Variants in ADARB2 observed in about 807,000 individuals in gnomAD.
ADARB2 encodes the protein adenosine deaminase RNA specific B2 (inactive).
Under a neutral mutation model 62.2 loss-of-function variants are expected in ADARB2, and 25 were observed. The ratio of observed to expected loss-of-function variants is 0.40; its 90% CI spans 0.29 to 0.56. ADARB2 has a LOEUF of 0.56. Ranked by LOEUF, ADARB2 falls within the 20% of genes least tolerant of loss-of-function variation. ADARB2 has a pLI of 0.43. For missense variants in ADARB2, 1,071 were observed against 1,077.4 expected, an observed-to-expected ratio of 0.99 and a Z score of 0.08; for synonymous variants, 572 against 500.8, an observed-to-expected ratio of 1.14 and a Z score of -1.90.
At chr10:1,683,159 C>T (rs1158379338) in intron 1 of ADARB2, among the ~76,000 whole-genome samples, 2 of 152,146 alleles carry the variant, frequency 1.3e-5, no homozygotes, top group Non-Finnish European at 2.9e-5. Flanking sequence ...TGTGAGTTCA[C>T]ATAGGGAGAA....
intron 1 of ADARB2, among the ~76,000 whole-genome samples, chr10:1,692,547 C>T (rs924941938): frequency 3.9e-5 from 6 of 152,110 alleles, no homozygotes; most frequent in Admixed American, 1.3e-4. Context: ...TGGCAGACTA[C>T]GGAGCAGGAG....
chr10:1,666,399 C>A (rs1432074086), intron 1 of ADARB2, among the ~76,000 whole-genome samples: 1 of 152,230 alleles, frequency 6.6e-6, no homozygotes, highest in Non-Finnish European at 1.5e-5. Flanking sequence ...CATGTCCCAG[C>A]CTCTCTCGCC....
At chr10:1,375,149 T>TCCAGGGC (rs1832411188) in intron 2 of ADARB2, among the ~76,000 whole-genome samples, 2 of 152,078 alleles carry the variant, frequency 1.3e-5, no homozygotes, top group Non-Finnish European at 2.9e-5. Flanking sequence ...TCAGCACAAC[T>TCCAGGGC]CCAGGGCCCA....
At chr10:1,701,578 CA>C (rs1834819689) in intron 1 of ADARB2, among the ~76,000 whole-genome samples, 1 of 1,812 alleles carries the variant, frequency 5.5e-4, no homozygotes, top group East Asian at 0.062. Flanking sequence ...CCCACTCCAC[CA>C]GGAGACCAGG....
chr10:1,205,744 G>A (rs1177072841), intron 7 of ADARB2, among the ~76,000 whole-genome samples: 3 of 152,282 alleles, frequency 2.0e-5, no homozygotes, highest in Admixed American at 6.5e-5. Context: ...CCAGCGCCAA[G>A]AGGAGCGGAT....
intron 1 of ADARB2, among the ~76,000 whole-genome samples, chr10:1,410,660 G>A (rs7076067): frequency 0.023 from 3,432 of 152,100 alleles, 95 homozygotes; most frequent in African/African-American, 0.063. Flanking sequence ...GCCTCTCCTC[G>A]GTGTCTGCCA....
At chr10:1,550,508 G>A (rs1295764978) in intron 1 of ADARB2, among the ~76,000 whole-genome samples, 1 of 152,178 alleles carries the variant, frequency 6.6e-6, no homozygotes, top group Non-Finnish European at 1.5e-5. Context: ...AGCTAATGAC[G>A]CTCTCTAGTT....
At chr10:1,625,844 C>CCTCCTG (rs1041065548) in intron 1 of ADARB2, among the ~76,000 whole-genome samples, 2 of 82,588 alleles carry the variant, frequency 2.4e-5, no homozygotes, top group African/African-American at 1.1e-4. Context: ...CACAGCCATG[C>CCTCCTG]CTCCTGCTCC....
At chr10:1,385,435 G>A (rs997925674) in intron 1 of ADARB2, among the ~76,000 whole-genome samples, 9 of 148,034 alleles carry the variant, frequency 6.1e-5, no homozygotes, top group African/African-American at 2.2e-4. Flanking sequence ...TCTTGGTAGA[G>A]AAATGGAAAC....
At chr10:1,459,287 A>G (rs866759343) in intron 1 of ADARB2, among the ~76,000 whole-genome samples, 2 of 152,256 alleles carry the variant, frequency 1.3e-5, no homozygotes, top group African/African-American at 2.4e-5. Context: ...ATGTCCATCA[A>G]CGACAGACTG....
chr10:1,546,390 C>T (rs374883791), intron 1 of ADARB2, among the ~76,000 whole-genome samples: 18 of 152,212 alleles, frequency 1.2e-4, no homozygotes, highest in Admixed American at 4.6e-4. Context: ...AAGGCTCTCC[C>T]GTGCTTCCGT....
intron 1 of ADARB2, among the ~76,000 whole-genome samples, chr10:1,638,677 G>C (rs1833942926): frequency 6.6e-6 from 1 of 152,196 alleles, no homozygotes; most frequent in Non-Finnish European, 1.5e-5. Context: ...TTCCAGGTGA[G>C]TAGAATGAGA....
intron 3 of ADARB2, among the ~76,000 whole-genome samples, chr10:1,297,330 G>A (rs950503588): frequency 4.0e-4 from 61 of 152,188 alleles, no homozygotes; most frequent in African/African-American, 1.5e-3. Context: ...CACTGCAACT[G>A]AGCCCCATTA....
rs184704826 is a variant in ADARB2, at chr10:1,561,266, C to T, written c.100+175785G>A. Among the ~76,000 whole-genome samples, 316 of 152,302 alleles carry T rather than the reference C, an allele frequency of 2.1e-3. 2 individuals are homozygous for T. The highest frequency in any genetic ancestry group is 7.3e-3 in the African/African-American group (303 of 41,566). ...TGCCCAGCTCTGAGTGTGTAATTGG[C>T]ACGTGTGCCCTGGCTGCGGGACTGG... On this transcript the variant is annotated intron_variant, in intron 1 of 9. Coordinates refer to ENST00000381312, the MANE Select transcript of ADARB2 (RefSeq NM_018702.4).
At chr10:1,603,383 AC>A (rs1833454963) in intron 1 of ADARB2, among the ~76,000 whole-genome samples, 1 of 152,054 alleles carries the variant, frequency 6.6e-6, no homozygotes, top group Non-Finnish European at 1.5e-5. Flanking sequence ...CGCTCTAAGG[AC>A]CTTTGCACCT....
intron 1 of ADARB2, among the ~76,000 whole-genome samples, chr10:1,510,113 T>TTTCTTTC (rs1554767641): frequency 8.9e-5 from 6 of 67,496 alleles, no homozygotes; most frequent in African/African-American, 3.3e-4. Context: ...TCTTTCTCTC[T>TTTCTTTC]TTCTTTCTTT....
At chr10:1,298,720 ATTTTTTTTTTTTTTTTTTTTTT>A (rs75978268) in intron 3 of ADARB2, among the ~76,000 whole-genome samples, 207 of 110,718 alleles carry the variant, frequency 1.9e-3, no homozygotes, top group African/African-American at 4.7e-3. Context: ...TGCGACGGGA[ATTTTTTTTTTTTTTTTTTTTTT>A]TTTTTTTTTT....
rs186372210 is a variant in ADARB2, at chr10:1,514,492, A to C, written c.101-135332T>G. The stretch of plus-strand genomic sequence containing the variant: ...ATTATCTGGGATGTATTTTCCTCCT[A>C]CCTCCTCCCTCAGTGGGGCTCGTTT... On this transcript the variant is annotated intron_variant, in intron 1 of 9. Coordinates refer to ENST00000381312, the MANE Select transcript of ADARB2 (RefSeq NM_018702.4). Among the ~76,000 whole-genome samples, 294 of 151,754 alleles carry C rather than the reference A, an allele frequency of 1.9e-3. 2 individuals carry two copies. Among genetic ancestry groups the C allele is most frequent in the African/African-American group, 6.8e-3 (283 of 41,368 alleles).
At chr10:1,423,620 G>T (rs1185491960) in intron 1 of ADARB2, among the ~76,000 whole-genome samples, 2 of 152,174 alleles carry the variant, frequency 1.3e-5, no homozygotes, top group African/African-American at 4.8e-5. Flanking sequence ...CACTGTGTAT[G>T]CAGTAGGTCC....
Sources: allele counts gnomAD v4.1 joint callset (sites outside exome capture counted in the v4.1 genomes callset), GRCh38; gene constraint gnomAD v4.1.1; transcripts MANE v1.5; gene names NCBI Gene and HGNC (gene_info 2026-07-23, HGNC 2026-07-21).